Variants in ADD2 observed in about 807,000 individuals in gnomAD.
ADD2 encodes adducin 2.
Under a neutral mutation model 83.0 loss-of-function variants are expected in ADD2, and 23 were observed. The observed-to-expected ratio is 0.28, with a 90% confidence interval of 0.20 to 0.39. ADD2 has a LOEUF of 0.39. ADD2 is among the 10% of genes least tolerant of loss of function. The pLI is 1.00. For synonymous variants in ADD2, 375 were observed against 375.4 expected, an observed-to-expected ratio of 1.00 and a Z score of 0.01; for missense variants, 758 against 944.9, an observed-to-expected ratio of 0.80 and a Z score of 2.59.
chr2:70,766,088 AGCATATCATGTCAG>A (rs758802602), intron 1 of ADD2, among the ~76,000 whole-genome samples: 62 of 152,378 alleles, frequency 4.1e-4, no homozygotes, highest in Admixed American at 9.8e-4. Context: ...TAGAAACCAC[AGCATATCATGTCAG>A]GCATTGTTGT....
chr2:70,681,806 T>C (rs1670464284), intron 10 of ADD2, among the ~76,000 whole-genome samples: 1 of 152,146 alleles, frequency 6.6e-6, no homozygotes, highest in South Asian at 2.1e-4. Flanking sequence ...TCTAGAATAA[T>C]ATTAAATAAT....
chr2:70,702,865 G>A (rs1574263631), intron 4 of ADD2, among the ~76,000 whole-genome samples: 1 of 152,250 alleles, frequency 6.6e-6, no homozygotes, highest in Admixed American at 6.5e-5. Context: ...GGTGGCTCAC[G>A]TCTGTAATGC....
chr2:70,764,987 T>G (rs1355358235), intron 1 of ADD2, among the ~76,000 whole-genome samples: 2 of 151,976 alleles, frequency 1.3e-5, no homozygotes, highest in Non-Finnish European at 2.9e-5. Context: ...TTGTGTCTGA[T>G]GAGGAGGTGA....
chr2:70,670,309 G>A (rs146143799), intron 15 of ADD2, among the ~76,000 whole-genome samples: 5 of 152,318 alleles, frequency 3.3e-5, no homozygotes, highest in African/African-American at 1.2e-4. Context: ...CATGCTGTGG[G>A]TTAGGAAAGG....
chr2:70,673,859 C>T (rs750406935), intron 14 of ADD2, among the ~76,000 whole-genome samples: 3 of 151,892 alleles, frequency 2.0e-5, no homozygotes, highest in Admixed American at 6.5e-5. Flanking sequence ...GGCCTCCCAA[C>T]GTGCTGGGAT....
chr2:70,726,182 A>G (rs1166532427), intron 1 of ADD2, among the ~76,000 whole-genome samples: 72 of 102,832 alleles, frequency 7.0e-4, no homozygotes, highest in Non-Finnish European at 9.7e-4. Context: ...GCGAGACTCC[A>G]TCTCAAAAAA....
rs1670584152 is a variant in ADD2 at position 70,683,749 on chromosome 2, C to T, written c.967G>A (p.Ala323Thr). Residue 323 changes from alanine (A) to threonine (T), a missense_variant, in exon 10 of 16, where the codon GCC becomes ACC. Transcript: ENST00000264436. ...CEIQVSALSS[A>T]GGVENLILLE... ...AGGATGAGGTTCTCCACTCCCCCGG[C>T]ACTGGACAGAGCCGACACCTGTAGC... is the stretch of plus-strand genomic sequence containing the variant. 3 of 1,613,290 alleles carry T rather than the reference C, an allele frequency of 1.9e-6. No homozygotes were observed. Among genetic ancestry groups the T allele is most frequent in the African/African-American group, 1.3e-5 (1 of 74,928 alleles).
chr2:70,713,021 AG>A, intron 2 of ADD2, 44 bp downstream of exon 2: 1 of 894,904 alleles, frequency 1.1e-6, no homozygotes, highest in Non-Finnish European at 1.3e-6. Flanking sequence ...CCAGCCAAAA[AG>A]TGTGCATCAC....
At chr2:70,750,148 C>A (rs1674435607) in intron 1 of ADD2, among the ~76,000 whole-genome samples, 1 of 152,180 alleles carries the variant, frequency 6.6e-6, no homozygotes, top group Non-Finnish European at 1.5e-5. Flanking sequence ...TTTCATGTTA[C>A]ATCTCTTGGG....
At position 70,727,666 on chromosome 2, in the gene ADD2, G is replaced by A. The variant is rs138718806; in HGVS notation, c.-153-14482C>T. Reference sequence around the variant, plus strand: ...TCCCCGCACTTTAGGAGGCTGAGGTGGGCAGATCACTTGCAGTCAGGAGTT... The same window carrying A: ...TCCCCGCACTTTAGGAGGCTGAGGTAGGCAGATCACTTGCAGTCAGGAGTT... On this transcript the variant is annotated intron_variant, in intron 1 of 15. Transcript: ENST00000264436. 3.8e-3 allele frequency among the ~76,000 whole-genome samples: 582 copies of A among 152,150 alleles called. 5 individuals are homozygous for A. The highest frequency in any genetic ancestry group is 0.013 in the African/African-American group (540 of 41,496).
At position 70,657,514 on chromosome 2, in the gene ADD2, A is replaced by G. The variant is rs1380816371; in HGVS notation, c.*5911T>C. On this transcript the variant is annotated 3_prime_UTR_variant, in exon 16 of 16. Coordinates refer to ENST00000264436, the MANE Select transcript of ADD2 (RefSeq NM_001617.4). ...GTCCTTGGGTATCAATCAATCACCC[A>G]CAAAGCAGGACCAACAGGTGTGAGG... The G allele has an allele frequency of 6.6e-6, 1 of 152,170 alleles. No individual in the cohort carries two copies. Among genetic ancestry groups the G allele is most frequent in the Non-Finnish European group, 1.5e-5 (1 of 68,050 alleles). 9.4% of individuals were successfully genotyped at this position (152,170 alleles called of 1,614,324 possible).
chr2:70,668,527 T>C (rs530882306), intron 15 of ADD2, among the ~76,000 whole-genome samples: 1 of 152,350 alleles, frequency 6.6e-6, no homozygotes, highest in East Asian at 1.9e-4. Flanking sequence ...CCAAGTACAC[T>C]GTTTATGACA....
chr2:70,767,777 G>A lies in ADD2; in HGVS notation c.-154+109C>T, dbSNP rs918521404. The A allele has an allele frequency of 1.3e-5, 19 of 1,471,328 alleles. No homozygotes were observed. The African/African-American group carries it at 1.8e-4, about 14-fold the overall frequency. 91.1% of individuals were successfully genotyped at this position (1,471,328 alleles called of 1,614,324 possible). A position where few individuals can be genotyped will look rare whatever the true frequency, so the allele number is the denominator to read the frequency against. On this transcript the variant is annotated intron_variant, in intron 1 of 15. Transcript: ENST00000264436. ...CACCGACGCGCTCGGCAACAGACGC[G>A]CCCCACCTGGGCCAAGCGGCTCCCG... is the stretch of plus-strand genomic sequence containing the variant.
At chr2:70,740,663 T>A (rs1673838048) in intron 1 of ADD2, among the ~76,000 whole-genome samples, 1 of 152,086 alleles carries the variant, frequency 6.6e-6, no homozygotes. Flanking sequence ...TTTTGTTGTT[T>A]TTGTGTGTGT....
At chr2:70,694,504 A>G (rs59873347) in intron 6 of ADD2, among the ~76,000 whole-genome samples, 86 of 152,252 alleles carry the variant, frequency 5.6e-4, no homozygotes, top group African/African-American at 1.9e-3. Context: ...CCCCTTCCCA[A>G]GGTCACCTCC....
chr2:70,729,050 C>T (rs1673152924), intron 1 of ADD2, among the ~76,000 whole-genome samples: 1 of 152,226 alleles, frequency 6.6e-6, no homozygotes, highest in Non-Finnish European at 1.5e-5. Flanking sequence ...TGGGCCTTCA[C>T]TGGCCTAACC....
chr2:70,725,338 A>G (rs527894245), intron 1 of ADD2, among the ~76,000 whole-genome samples: 1 of 152,320 alleles, frequency 6.6e-6, no homozygotes, highest in African/African-American at 2.4e-5. Flanking sequence ...ACCTGGGAAG[A>G]ATGCTGTCTG....
At position 70,692,688 on chromosome 2, in the gene ADD2, G is replaced by T. The variant is rs529640066; in HGVS notation, c.556-136C>A. The T allele has an allele frequency of 1.9e-4, 183 of 982,454 alleles. 3 individuals carry two copies. In the Admixed American group the frequency reaches 3.8e-3, roughly 20 times the overall value. 60.9% of individuals were successfully genotyped at this position (982,454 alleles called of 1,614,324 possible). ...GACACCATGAGCAATGACGGACTTG[G>T]TGTTGGAAGAAAACAAACCAGTTCC... On this transcript the variant is annotated intron_variant, in intron 6 of 15. Coordinates refer to ENST00000264436, the MANE Select transcript of ADD2 (RefSeq NM_001617.4).
intron 1 of ADD2, among the ~76,000 whole-genome samples, chr2:70,726,186 C>CAAAAAAAAAAAA (rs34333514): frequency 2.2e-4 from 10 of 45,486 alleles, no homozygotes; most frequent in Non-Finnish European, 2.5e-4. Flanking sequence ...GACTCCATCT[C>CAAAAAAAAAAAA]AAAAAAAAAA....
Sources: gnomAD v4.1 joint callset for allele counts (sites outside exome capture counted in the v4.1 genomes callset) on GRCh38, gnomAD v4.1.1 for gene constraint, MANE v1.5 for transcripts, NCBI Gene and HGNC (gene_info 2026-07-23, HGNC 2026-07-21) for gene names.